Variants in PTPRQ observed in about 807,000 individuals in gnomAD.
The protein encoded by PTPRQ is protein tyrosine phosphatase receptor type Q, also known as phosphatidylinositol phosphatase PTPRQ.
Under a neutral mutation model 246.0 loss-of-function variants are expected in PTPRQ, and 199 were observed. The ratio of observed to expected loss-of-function variants is 0.81; its 90% CI spans 0.72 to 0.91. PTPRQ has a LOEUF of 0.91. Among genes scored for constraint, PTPRQ ranks in the 40% least tolerant of loss-of-function variants. The pLI is 0.00. For missense variants in PTPRQ, 2,624 were observed against 2,528.4 expected, an observed-to-expected ratio of 1.04 and a Z score of -0.81; for synonymous variants, 869 against 853.2, an observed-to-expected ratio of 1.02 and a Z score of -0.32.
Position 80,669,434 on chromosome 12 carries a change from T to A in PTPRQ, c.6423T>A (p.Asp2141Glu). Residue 2141 changes from aspartate (D) to glutamate (E), a missense_variant, in exon 41 of 45, where the codon GAT (aspartate) becomes GAA (glutamate). Physicochemically the swap from Asp to Glu is conservative, Grantham distance 45. Transcript: ENST00000644991. ...ITKLMEDVQI[D>E]WTIRDLKIER... ...AGCTAATGGAGGATGTTCAAATAGA[T>A]TGGACTATCAGGGATCTGAAAATTG... 6.5e-7 allele frequency: 1 copy of A among 1,548,452 alleles called. No individual in the cohort carries two copies. Among genetic ancestry groups the A allele is most frequent in the Non-Finnish European group, 8.7e-7 (1 of 1,145,544 alleles).
chr12:80,563,473 C>T (rs183653818), intron 25 of PTPRQ, among the ~76,000 whole-genome samples: 1 of 152,304 alleles, frequency 6.6e-6, no homozygotes, highest in African/African-American at 2.4e-5. Flanking sequence ...GCCTTATATC[C>T]TAATGTCATC....
At chr12:80,565,602 G>C (rs1435871732) in intron 25 of PTPRQ, among the ~76,000 whole-genome samples, 1 of 152,090 alleles carries the variant, frequency 6.6e-6, no homozygotes, top group Non-Finnish European at 1.5e-5. Context: ...GAAAGCTTCA[G>C]GAATGTGCCT....
At chr12:80,598,033 T>A (rs1898025731) in intron 26 of PTPRQ, among the ~76,000 whole-genome samples, 1 of 152,022 alleles carries the variant, frequency 6.6e-6, no homozygotes, top group Non-Finnish European at 1.5e-5. Context: ...GTATTTTTTT[T>A]CTAGCTTAAG....
chr12:80,546,558 T>A lies in PTPRQ; in HGVS notation c.3876T>A (p.Asn1292Lys), dbSNP rs1037494415. 3 of 1,544,674 alleles carry A rather than the reference T, an allele frequency of 1.9e-6. No homozygotes were observed. In the Admixed American group the frequency reaches 6.1e-5, roughly 31 times the overall value. ...EHETDTIYYK[N>K]ISGFKTEAKL... The stretch of plus-strand genomic sequence containing the variant: ...ATAACTTTTTTTCTGTTTTTCAGAA[T>A]ATATCAGGATTTAAAACTGAAGCCA... The change falls in exon 24 of 45, where the codon AAT becomes AAA. Residue 1292 changes from asparagine to lysine, a missense_variant and splice_region_variant. Physicochemically the swap from Asn to Lys is moderately conservative, Grantham distance 94. Transcript: ENST00000644991.
At chr12:80,595,234 C>T (rs1397860207) in intron 26 of PTPRQ, among the ~76,000 whole-genome samples, 2 of 152,094 alleles carry the variant, frequency 1.3e-5, no homozygotes, top group East Asian at 3.9e-4. Context: ...ATAGTTATTT[C>T]TCTCTCTTTC....
intron 37 of PTPRQ, among the ~76,000 whole-genome samples, chr12:80,651,268 C>T (rs1299344337): frequency 6.6e-6 from 1 of 151,976 alleles, no homozygotes; most frequent in African/African-American, 2.4e-5. Context: ...TAAAGAAGCT[C>T]ATATTATGGT....
At chr12:80,463,455 C>A (rs1268894555) in intron 6 of PTPRQ, among the ~76,000 whole-genome samples, 1 of 152,134 alleles carries the variant, frequency 6.6e-6, no homozygotes, top group Non-Finnish European at 1.5e-5. Flanking sequence ...AGGATGTTAT[C>A]CAGGAGAACT....
At chr12:80,641,483 T>C (rs1294202327) in intron 35 of PTPRQ, among the ~76,000 whole-genome samples, 3 of 152,198 alleles carry the variant, frequency 2.0e-5, no homozygotes, top group Non-Finnish European at 4.4e-5. Flanking sequence ...ATTATTAAAA[T>C]CAAGGAAGCC....
At position 80,479,059 on chromosome 12, in the gene PTPRQ, C is replaced by T. The variant is rs1008847079; in HGVS notation, c.1187-5374C>T. On this transcript the variant is annotated intron_variant, in intron 8 of 44. Transcript: ENST00000644991. ...AGATACTCCTTGAGAAGAGCAACTC[C>T]AAGACACATAATTGTCAGATTCACC... 5.9e-5 allele frequency among the ~76,000 whole-genome samples: 9 copies of T among 151,624 alleles called. No homozygotes were observed. The East Asian group carries it at 9.7e-4, about 16-fold the overall frequency.
At position 80,592,521 on chromosome 12, in the gene PTPRQ, A is replaced by G. The variant is rs1051133681; in HGVS notation, c.4609+4069A>G. 7.2e-5 allele frequency among the ~76,000 whole-genome samples: 11 copies of G among 152,158 alleles called. No individual in the cohort carries two copies. The East Asian group carries it at 1.5e-3, about 21-fold the overall frequency. ...AACATAATATATATGGTGAAATAAC[A>G]TAAGAATAAAAGAAATTATAACAGT... is the stretch of plus-strand genomic sequence containing the variant. On this transcript the variant is annotated intron_variant, in intron 26 of 44. Transcript: ENST00000644991.
intron 6 of PTPRQ, among the ~76,000 whole-genome samples, chr12:80,464,004 A>T (rs1329303355): frequency 6.6e-6 from 1 of 152,142 alleles, no homozygotes; most frequent in Non-Finnish European, 1.5e-5. Flanking sequence ...ACAGGTTCAA[A>T]TTCACACATA....
chr12:80,613,468 C>A, intron 28 of PTPRQ, 124 bp from the exon 29 acceptor site: 1 of 966,830 alleles, frequency 1.0e-6, no homozygotes, highest in Non-Finnish European at 1.5e-6. Flanking sequence ...CTAGTTTTTG[C>A]AGTTTATATG....
rs371589450 is a variant in PTPRQ, at chr12:80,468,077, TG to T, written c.911-632del. Among the ~76,000 whole-genome samples the T allele has an allele frequency of 2.6e-4, 39 of 152,298 alleles. No individual in the cohort carries two copies. In the East Asian group the frequency reaches 6.2e-3, roughly 24 times the overall value. On this transcript the variant is annotated intron_variant, in intron 6 of 44. Coordinates refer to ENST00000644991, the MANE Select transcript of PTPRQ (RefSeq NM_001145026.2). ...GGTGAAATTTGCTAGACAATAATTT[TG>T]TTTTGAAAAATATTTGGAATTGTTT...
chr12:80,541,627 C>T lies in PTPRQ; in HGVS notation c.3227C>T (p.Pro1076Leu). ...ACTGCAATAAATGTAAGCTGGGTCC[C>T]ACCGGCTCAACCAAACGGTCTAGTC... ...SSTAINVSWV[P>L]PAQPNGLVFY... Residue 1076 changes from proline to leucine, a missense_variant, in exon 21 of 45, where the codon CCA becomes CTA. Physicochemically the swap from Pro to Leu is moderately conservative, Grantham distance 98 (BLOSUM62 -3). Coordinates refer to ENST00000644991, the MANE Select transcript of PTPRQ (RefSeq NM_001145026.2). The T allele has an allele frequency of 6.5e-7, 1 of 1,548,284 alleles. No individual in the cohort carries two copies. Among genetic ancestry groups the T allele is most frequent in the Non-Finnish European group, 8.7e-7 (1 of 1,145,374 alleles).
intron 39 of PTPRQ, among the ~76,000 whole-genome samples, chr12:80,668,286 A>C (rs1249625546): frequency 6.6e-6 from 1 of 151,910 alleles, no homozygotes; most frequent in Non-Finnish European, 1.5e-5. Flanking sequence ...AATTTCAGAG[A>C]AATTTGATAA....
In PTPRQ at chr12:80,500,905, A is replaced by G. The variant is rs1002571075; in HGVS notation, c.2272+4374A>G. On this transcript the variant is annotated intron_variant, in intron 14 of 44. Transcript: ENST00000644991. ...TGGTAAGTTTTACTAAGTGAAAAATATCAAGGATAGAAGAGAGGAAGAGTA... is the reference window on the plus strand; with the variant it reads ...TGGTAAGTTTTACTAAGTGAAAAATGTCAAGGATAGAAGAGAGGAAGAGTA... 2.6e-5 allele frequency among the ~76,000 whole-genome samples: 4 copies of G among 152,166 alleles called. No individual in the cohort carries two copies. The East Asian group carries it at 7.8e-4, about 29-fold the overall frequency.
At chr12:80,669,543 A>G in intron 41 of PTPRQ, 79 bp downstream of exon 41, 2 of 1,467,380 alleles carry the variant, frequency 1.4e-6, no homozygotes, top group Non-Finnish European at 9.0e-7. Flanking sequence ...ATTAATTTCT[A>G]GAACTATCCC....
At chr12:80,496,624 T>G (rs1460154011) in intron 14 of PTPRQ, 93 bp downstream of exon 14, 1 of 1,375,884 alleles carries the variant, frequency 7.3e-7, no homozygotes, top group Non-Finnish European at 9.6e-7. Flanking sequence ...TTACATAACC[T>G]AAAATCCCTC....
At chr12:80,655,001 CT>C (rs1900385727) in intron 38 of PTPRQ, among the ~76,000 whole-genome samples, 1 of 152,000 alleles carries the variant, frequency 6.6e-6, no homozygotes, top group East Asian at 1.9e-4. Flanking sequence ...TGCTGTGTGA[CT>C]TTTCAATCAT....
Sources: allele counts gnomAD v4.1 joint callset (sites outside exome capture counted in the v4.1 genomes callset), GRCh38; gene constraint gnomAD v4.1.1; transcripts MANE v1.5; gene names NCBI Gene and HGNC (gene_info 2026-07-23, HGNC 2026-07-21).